KLHL3: variants seen among roughly 807,000 people sequenced by gnomAD.
The protein encoded by KLHL3 is kelch like family member 3.
Under a neutral mutation model 70.5 loss-of-function variants are expected in KLHL3, and 19 were observed. The ratio of observed to expected loss-of-function variants is 0.27; its 90% CI spans 0.19 to 0.40. KLHL3 has a LOEUF of 0.40. Among genes scored for constraint, KLHL3 ranks in the 10% least tolerant of loss-of-function variants. The probability of loss-of-function intolerance (pLI) is 1.00; values close to 1 mark genes in which losing one functional copy is unlikely to be tolerated. For synonymous variants in KLHL3, 258 were observed against 290.3 expected (o/e 0.89, Z 1.13); for missense variants, 512 against 771.1 (o/e 0.66, Z 3.98).
At chr5:137,658,536 G>A (rs1751398955) in intron 7 of KLHL3, among the ~76,000 whole-genome samples, 1 of 152,138 alleles carries the variant, frequency 6.6e-6, no homozygotes, top group South Asian at 2.1e-4. Flanking sequence ...CTGTAAAATG[G>A]GCATATTAAA....
intron 4 of KLHL3, among the ~76,000 whole-genome samples, chr5:137,694,919 A>G (rs189286426): frequency 6.6e-6 from 1 of 152,190 alleles, no homozygotes; most frequent in African/African-American, 2.4e-5. Context: ...GCCAGATGTG[A>G]GAAGAGGCAG....
At chr5:137,678,881 A>C (rs1751953671) in intron 5 of KLHL3, among the ~76,000 whole-genome samples, 1 of 152,088 alleles carries the variant, frequency 6.6e-6, no homozygotes, top group Non-Finnish European at 1.5e-5. Context: ...GTCACAACTA[A>C]AGGTTGTCCA....
intron 8 of KLHL3, among the ~76,000 whole-genome samples, chr5:137,656,486 T>G (rs1751348742): frequency 6.6e-6 from 1 of 152,236 alleles, no homozygotes; most frequent in African/African-American, 2.4e-5. Flanking sequence ...TAGCAGATTT[T>G]TTATCCTAGG....
intron 12 of KLHL3, chr5:137,629,732 C>T (rs1172604377): frequency 1.3e-5 from 2 of 152,042 alleles, no homozygotes; most frequent in Non-Finnish European, 2.9e-5. Context: ...TCTAAACTAA[C>T]AGCAGATGGT....
intron 14 of KLHL3, 46 bp from the exon 15 acceptor site, chr5:137,622,172 T>C: frequency 6.2e-7 from 1 of 1,604,910 alleles, no homozygotes; most frequent in Middle Eastern, 1.7e-4. Flanking sequence ...TTCTCCAAAA[T>C]TACTCAGAGT....
At chr5:137,698,209 G>A (rs1752490299) in intron 4 of KLHL3, 78 bp downstream of exon 4, 1 of 1,555,366 alleles carries the variant, frequency 6.4e-7, no homozygotes. Flanking sequence ...ATTGTTGTGA[G>A]GGTTAAATAA....
intron 2 of KLHL3, among the ~76,000 whole-genome samples, chr5:137,714,878 C>G (rs1335214350): frequency 6.6e-6 from 1 of 151,754 alleles, no homozygotes. Flanking sequence ...TAGTGACAGA[C>G]CATCAAAAAA....
At chr5:137,670,967 A>T (rs1301174940) in intron 6 of KLHL3, among the ~76,000 whole-genome samples, 11 of 59,896 alleles carry the variant, frequency 1.8e-4, no homozygotes, top group African/African-American at 1.1e-3. Context: ...GCGAGACTCC[A>T]CCTCAAAAAA....
chr5:137,675,025 T>C (rs1751852629), intron 6 of KLHL3, among the ~76,000 whole-genome samples: 1 of 152,240 alleles, frequency 6.6e-6, no homozygotes, highest in Non-Finnish European at 1.5e-5. Context: ...GCCCCACTAT[T>C]CTTTAATAAA....
chr5:137,631,702 G>A lies in KLHL3; in HGVS notation c.1450+2335C>T, dbSNP rs915179301. ...CATATTGTATCCACCTCGTAGGGCT[G>A]CAGTGAGGATTAAATGGATTGAGGC... On this transcript the variant is annotated intron_variant, in intron 12 of 14. Coordinates refer to ENST00000309755, the MANE Select transcript of KLHL3 (RefSeq NM_017415.3). Among the ~76,000 whole-genome samples, 63 of 152,362 alleles carry A rather than the reference G, an allele frequency of 4.1e-4. 1 individual carries two copies. The highest frequency in any genetic ancestry group is 1.5e-3 in the African/African-American group (62 of 41,600).
intron 5 of KLHL3, among the ~76,000 whole-genome samples, chr5:137,684,587 G>T (rs1011243661): frequency 5.9e-5 from 9 of 152,146 alleles, no homozygotes; most frequent in African/African-American, 1.4e-4. Flanking sequence ...AATTTTAATT[G>T]CTATTTCATT....
intron 8 of KLHL3, chr5:137,653,216 C>A (rs3094461): frequency 0.18 from 26,604 of 151,866 alleles, 2,706 homozygotes; most frequent in East Asian, 0.33. Context: ...TGCCACTGCA[C>A]TCCGGCCTGG....
intron 7 of KLHL3, chr5:137,661,640 C>A: frequency 3.3e-6 from 1 of 302,914 alleles, no homozygotes; most frequent in Non-Finnish European, 6.1e-6. Context: ...ACTATAATAT[C>A]TGTTCTATGG....
chr5:137,670,429 GACTCT>G (rs1206982062), intron 6 of KLHL3, among the ~76,000 whole-genome samples: 2 of 151,388 alleles, frequency 1.3e-5, no homozygotes, highest in East Asian at 1.9e-4. Context: ...GTGGCTTAAA[GACTCT>G]ACTCTATAAT....
At chr5:137,735,564 G>A (rs1753247862) in intron 1 of KLHL3, 69 bp downstream of exon 1, 1 of 1,240,722 alleles carries the variant, frequency 8.1e-7, no homozygotes, top group Non-Finnish European at 1.2e-6. Context: ...ACAAAAGCTG[G>A]TGGCTGCACC....
rs1393861221 is a variant in KLHL3 at position 137,735,806 on chromosome 5, CCT to C, written c.-162_-161del. The C allele has an allele frequency of 5.3e-6, 5 of 936,756 alleles. No homozygotes were observed. The highest frequency in any genetic ancestry group is 1.6e-5 in the African/African-American group (1 of 62,080). 58.0% of individuals were successfully genotyped at this position (936,756 alleles called of 1,614,324 possible). ...GCCTCCTCCCTTCTCAATCCTCCTT[CCT>C]CTGACTTACTCGCAGCAGCTTCTAC... On this transcript the variant is annotated 5_prime_UTR_variant, in exon 1 of 15. Transcript: ENST00000309755.
chr5:137,656,573 A>G (rs571243430), intron 8 of KLHL3, among the ~76,000 whole-genome samples: 1 of 152,258 alleles, frequency 6.6e-6, no homozygotes, highest in Non-Finnish European at 1.5e-5. Context: ...ACATATGTCT[A>G]TAATTAAAGA....
rs565210214 is a variant in KLHL3, at chr5:137,690,219, C to T, written c.526+2066G>A. Among the ~76,000 whole-genome samples, 7 of 151,634 alleles carry T rather than the reference C, an allele frequency of 4.6e-5. No homozygotes were observed. The South Asian group carries it at 8.3e-4, about 18-fold the overall frequency. On this transcript the variant is annotated intron_variant, in intron 5 of 14. Coordinates refer to ENST00000309755, the MANE Select transcript of KLHL3 (RefSeq NM_017415.3). ...GCAGGCGCCTGTAGTCCCAGCTACT[C>T]GGGAGGCTGAGGCAGGAGAATGGCG...
At chr5:137,688,374 G>A (rs995671844) in intron 5 of KLHL3, among the ~76,000 whole-genome samples, 2 of 152,314 alleles carry the variant, frequency 1.3e-5, no homozygotes, top group African/African-American at 2.4e-5. Flanking sequence ...TGAGGGAACA[G>A]GCTCCATGTG....
Sources: gnomAD v4.1 joint callset for allele counts (sites outside exome capture counted in the v4.1 genomes callset) on GRCh38, gnomAD v4.1.1 for gene constraint, MANE v1.5 for transcripts, NCBI Gene and HGNC (gene_info 2026-07-23, HGNC 2026-07-21) for gene names.